The following SCAPER variants were observed in gnomAD, a reference collection of about 807,000 sequenced individuals.
The protein encoded by SCAPER is S-phase cyclin A associated protein in the ER.
Under a neutral mutation model 182.2 loss-of-function variants are expected in SCAPER, and 98 were observed. The observed-to-expected ratio is 0.54, with a 90% CI of 0.46 to 0.64. The LOEUF is 0.64. Ranked by LOEUF, SCAPER falls within the 30% of genes least tolerant of loss-of-function variation. The pLI is 0.00. For missense variants in SCAPER, 1,432 were observed against 1,690.0 expected, an observed-to-expected ratio of 0.85 and a Z score of 2.68; for synonymous variants, 605 against 564.6, an observed-to-expected ratio of 1.07 and a Z score of -1.01.
At chr15:76,416,669 C>A (rs2045670667) in intron 26 of SCAPER, among the ~76,000 whole-genome samples, 2 of 151,978 alleles carry the variant, frequency 1.3e-5, no homozygotes, top group South Asian at 4.2e-4. Context: ...CCCAGAAATT[C>A]TACTTTTCAA....
chr15:76,618,522 T>C (rs2051708825), intron 22 of SCAPER, among the ~76,000 whole-genome samples: 1 of 152,200 alleles, frequency 6.6e-6, no homozygotes, highest in East Asian at 1.9e-4. Flanking sequence ...CTGTCCTGTG[T>C]CTTTTATCCA....
chr15:76,752,257 T>C (rs1278439239), intron 15 of SCAPER, among the ~76,000 whole-genome samples: 2 of 151,688 alleles, frequency 1.3e-5, no homozygotes, highest in African/African-American at 2.4e-5. Context: ...ATGGAATAAC[T>C]GGAACCCTTG....
chr15:76,433,628 T>C (rs2047006892), intron 26 of SCAPER, among the ~76,000 whole-genome samples: 1 of 152,234 alleles, frequency 6.6e-6, no homozygotes, highest in African/African-American at 2.4e-5. Flanking sequence ...TCCCTATATG[T>C]TGAATTTCCT....
intron 22 of SCAPER, among the ~76,000 whole-genome samples, chr15:76,590,261 G>C (rs2049007569): frequency 6.6e-6 from 1 of 152,168 alleles, no homozygotes; most frequent in African/African-American, 2.4e-5. Flanking sequence ...TGGAGGCTTG[G>C]ATGAAAATTA....
chr15:76,901,534 T>A (rs1474112417), intron 1 of SCAPER, among the ~76,000 whole-genome samples: 1 of 152,250 alleles, frequency 6.6e-6, no homozygotes, highest in Non-Finnish European at 1.5e-5. Flanking sequence ...ATTGCTCATG[T>A]ATAATATATA....
intron 27 of SCAPER, among the ~76,000 whole-genome samples, chr15:76,391,295 G>A (rs1462738745): frequency 2.0e-5 from 3 of 152,062 alleles, no homozygotes; most frequent in Non-Finnish European, 4.4e-5. Context: ...CAAGACATTC[G>A]GCTATATTAC....
At chr15:76,878,669 T>A (rs2073340196) in intron 2 of SCAPER, among the ~76,000 whole-genome samples, 1 of 152,142 alleles carries the variant, frequency 6.6e-6, no homozygotes. Context: ...AGCTCATGCC[T>A]GTAATCCTAG....
At chr15:76,751,716 C>T (rs541284561) in intron 15 of SCAPER, among the ~76,000 whole-genome samples, 18 of 151,766 alleles carry the variant, frequency 1.2e-4, no homozygotes, top group Non-Finnish European at 2.2e-4. Context: ...ACACCACATA[C>T]TGAAATTAAC....
chr15:76,434,501 T>G (rs1182944591), intron 25 of SCAPER, among the ~76,000 whole-genome samples, 191 bp from the exon 26 acceptor site: 1 of 152,232 alleles, frequency 6.6e-6, no homozygotes, highest in East Asian at 1.9e-4. Flanking sequence ...TGGATAAGGT[T>G]ACTATTTCAA....
intron 29 of SCAPER, among the ~76,000 whole-genome samples, chr15:76,371,405 C>T (rs1354848113): frequency 6.6e-6 from 1 of 151,484 alleles, no homozygotes; most frequent in Non-Finnish European, 1.5e-5. Context: ...CCGCAACCTC[C>T]GCCTCCCAGG....
At chr15:76,513,404 T>TAATA (rs1189429730) in intron 23 of SCAPER, among the ~76,000 whole-genome samples, 4 of 152,208 alleles carry the variant, frequency 2.6e-5, no homozygotes, top group Non-Finnish European at 4.4e-5. Flanking sequence ...AGATGATTTC[T>TAATA]TCATCTCATG....
intron 2 of SCAPER, among the ~76,000 whole-genome samples, chr15:76,865,985 A>G (rs1321357280): frequency 1.3e-5 from 2 of 152,002 alleles, no homozygotes; most frequent in African/African-American, 4.8e-5. Context: ...TCACTTCTCT[A>G]CTCATTCTCA....
intron 8 of SCAPER, among the ~76,000 whole-genome samples, chr15:76,787,714 C>T (rs1454094847): frequency 6.6e-6 from 1 of 152,112 alleles, no homozygotes; most frequent in Non-Finnish European, 1.5e-5. Context: ...CAAAAATTAA[C>T]TTAAAATGGA....
chr15:76,551,192 G>C (rs1325414526), intron 23 of SCAPER, among the ~76,000 whole-genome samples: 1 of 152,130 alleles, frequency 6.6e-6, no homozygotes, highest in Non-Finnish European at 1.5e-5. Context: ...GTATGGCCCA[G>C]CAATCCTGCT....
At chr15:76,447,011 C>G (rs1383669087) in intron 25 of SCAPER, among the ~76,000 whole-genome samples, 1 of 152,148 alleles carries the variant, frequency 6.6e-6, no homozygotes. Flanking sequence ...AAGCTAATGT[C>G]AGTGTTTTGA....
intron 27 of SCAPER, among the ~76,000 whole-genome samples, chr15:76,403,734 G>A (rs970590084): frequency 2.0e-5 from 3 of 152,138 alleles, no homozygotes; most frequent in Admixed American, 2.0e-4. Flanking sequence ...AAAATTATTT[G>A]ATTGAACATC....
intron 20 of SCAPER, among the ~76,000 whole-genome samples, chr15:76,674,009 G>A (rs569197057): frequency 2.4e-4 from 36 of 150,376 alleles, no homozygotes; most frequent in Non-Finnish European, 4.3e-4. Flanking sequence ...GATAACTTTG[G>A]AGGATAATAG....
chr15:76,383,501 C>T (rs889870888), intron 27 of SCAPER, among the ~76,000 whole-genome samples: 11 of 152,184 alleles, frequency 7.2e-5, no homozygotes, highest in Non-Finnish European at 1.5e-4. Context: ...TTGTTCTCTA[C>T]TCAAGAAAGA....
intron 26 of SCAPER, among the ~76,000 whole-genome samples, chr15:76,423,677 G>T (rs1196486827): frequency 3.3e-5 from 5 of 152,056 alleles, no homozygotes; most frequent in Non-Finnish European, 7.4e-5. Context: ...GAATGTGTTT[G>T]CTCTTGCTTC....
Sources: gnomAD v4.1 joint callset for allele counts (sites outside exome capture counted in the v4.1 genomes callset) on GRCh38, gnomAD v4.1.1 for gene constraint, MANE v1.5 for transcripts, NCBI Gene and HGNC (gene_info 2026-07-23, HGNC 2026-07-21) for gene names.